CREBRF: variants seen among roughly 807,000 people sequenced by gnomAD.
CREBRF encodes the protein UPF0474 protein C5orf41.
A neutral mutation model predicts 66.1 loss-of-function variants in CREBRF; 5 were observed. That is an observed-to-expected ratio of 0.08 (90% CI 0.04 to 0.16). The LOEUF (loss-of-function observed/expected upper bound fraction) is 0.16, where lower values mean the gene tolerates loss of function less well. CREBRF is among the 10% of genes least tolerant of loss of function. The probability of loss-of-function intolerance (pLI) is 1.00; values close to 1 mark genes in which losing one functional copy is unlikely to be tolerated. For missense variants in CREBRF, 531 were observed against 744.9 expected, an observed-to-expected ratio of 0.71 and a Z score of 3.34; for synonymous variants, 229 against 264.4, an observed-to-expected ratio of 0.87 and a Z score of 1.30.
intron 4 of CREBRF, among the ~76,000 whole-genome samples, chr5:173,104,224 CT>C (rs1264036865): frequency 6.6e-6 from 1 of 152,186 alleles, no homozygotes; most frequent in Non-Finnish European, 1.5e-5. Flanking sequence ...GATTTTAAAA[CT>C]TACCTGACTA....
At chr5:173,091,651 T>A (rs1561805054) in intron 4 of CREBRF, 2 of 1,158,458 alleles carry the variant, frequency 1.7e-6, no homozygotes, top group South Asian at 3.4e-5. Flanking sequence ...TTCTTATTTT[T>A]AAAATTAAAA....
intron 4 of CREBRF, among the ~76,000 whole-genome samples, chr5:173,106,834 C>T (rs1758762247): frequency 6.6e-6 from 1 of 152,104 alleles, no homozygotes; most frequent in South Asian, 2.1e-4. Context: ...ACTGCAACCT[C>T]TGCCTCCTGG....
intron 6 of CREBRF, 130 bp downstream of exon 6, chr5:173,110,841 T>C (rs2113773856): frequency 1.5e-6 from 1 of 660,964 alleles, no homozygotes; most frequent in East Asian, 3.0e-5. Context: ...GAGAATATTA[T>C]AATTTTTCTT....
chr5:173,115,371 T>A (rs1758965317), intron 7 of CREBRF, among the ~76,000 whole-genome samples: 1 of 152,122 alleles, frequency 6.6e-6, no homozygotes, highest in Non-Finnish European at 1.5e-5. Flanking sequence ...CCTCCCAAAG[T>A]GCTGGGATTA....
intron 1 of CREBRF, among the ~76,000 whole-genome samples, chr5:173,070,344 C>T (rs1308147632): frequency 6.6e-6 from 1 of 152,082 alleles, no homozygotes; most frequent in Non-Finnish European, 1.5e-5. Flanking sequence ...TATGCCGCTG[C>T]CATTAATTGT....
At chr5:173,076,869 GAGCATGAACC>G (rs1252911886) in intron 1 of CREBRF, among the ~76,000 whole-genome samples, 4 of 151,834 alleles carry the variant, frequency 2.6e-5, no homozygotes, top group African/African-American at 9.7e-5. Flanking sequence ...TGAAAGAAAT[GAGCATGAACC>G]AGCAAAGATT....
In CREBRF at chr5:173,138,533, A is replaced by C. The variant is rs771050152; in HGVS notation, c.*4788A>C. The C allele has an allele frequency of 6.6e-6, 1 of 152,150 alleles. No homozygotes were observed. The highest frequency in any genetic ancestry group is 1.5e-5 in the Non-Finnish European group (1 of 68,032). 9.4% of individuals were successfully genotyped at this position (152,150 alleles called of 1,614,324 possible). On this transcript the variant is annotated 3_prime_UTR_variant, in exon 9 of 9. Coordinates refer to ENST00000296953, the MANE Select transcript of CREBRF (RefSeq NM_153607.3). ...AACTACTTCCAAACAGTATTTTGGA[A>C]TTGAAGACTTGGTAACTAGTGAAGA... is the stretch of plus-strand genomic sequence containing the variant.
chr5:173,076,223 C>G (rs1757760345), intron 1 of CREBRF, among the ~76,000 whole-genome samples: 1 of 152,068 alleles, frequency 6.6e-6, no homozygotes, highest in African/African-American at 2.4e-5. Context: ...GGAAGTTGAG[C>G]TGAATTCATT....
chr5:173,088,186 C>G (rs964994805), intron 3 of CREBRF, among the ~76,000 whole-genome samples: 2 of 150,486 alleles, frequency 1.3e-5, no homozygotes, highest in African/African-American at 4.9e-5. Flanking sequence ...GTCATAGCCA[C>G]ACACACCTGC....
At chr5:173,066,206 A>C (rs1399205035) in intron 1 of CREBRF, among the ~76,000 whole-genome samples, 2 of 152,206 alleles carry the variant, frequency 1.3e-5, no homozygotes, top group African/African-American at 4.8e-5. Flanking sequence ...CTCTTGGGAA[A>C]TCTTGTAAGA....
intron 2 of CREBRF, chr5:173,085,431 T>C: frequency 2.4e-6 from 2 of 850,804 alleles, no homozygotes; most frequent in Admixed American, 2.4e-5. Context: ...TTTTTTCTTT[T>C]TGGAGACGGA....
At chr5:173,092,217 CAA>C (rs1301306090) in intron 4 of CREBRF, 6 of 964,958 alleles carry the variant, frequency 6.2e-6, no homozygotes, top group Non-Finnish European at 7.4e-6. Context: ...CAATACCCAA[CAA>C]AGTCTATTTA....
At chr5:173,122,642 C>T (rs1759166897) in intron 7 of CREBRF, among the ~76,000 whole-genome samples, 1 of 144,852 alleles carries the variant, frequency 6.9e-6, no homozygotes, top group Non-Finnish European at 1.5e-5. Flanking sequence ...TACATGTGCA[C>T]AATGTGCCAG....
At chr5:173,095,301 C>T (rs946603907) in intron 4 of CREBRF, among the ~76,000 whole-genome samples, 4 of 149,686 alleles carry the variant, frequency 2.7e-5, no homozygotes, top group Non-Finnish European at 4.4e-5. Flanking sequence ...CCATTCTCCT[C>T]CCTCAGCCTC....
intron 7 of CREBRF, among the ~76,000 whole-genome samples, chr5:173,120,495 T>A (rs772083940): frequency 2.0e-5 from 3 of 151,378 alleles, no homozygotes; most frequent in Non-Finnish European, 4.4e-5. Context: ...TTCTCATGCC[T>A]CAGTCTCCTG....
At chr5:173,127,396 C>T (rs1425515424) in intron 8 of CREBRF, among the ~76,000 whole-genome samples, 1 of 151,272 alleles carries the variant, frequency 6.6e-6, no homozygotes, top group Non-Finnish European at 1.5e-5. Context: ...GTGATCTTCC[C>T]GCCTCAGCCT....
intron 4 of CREBRF, among the ~76,000 whole-genome samples, chr5:173,096,547 T>C (rs1161037518): frequency 6.9e-6 from 1 of 145,268 alleles, no homozygotes; most frequent in African/African-American, 2.5e-5. Context: ...CCCTTCCCTT[T>C]CCTTTCCTTT....
In CREBRF at chr5:173,085,270, G is replaced by T; in HGVS notation, c.10-1231G>T. 3 of 603,190 alleles carry T rather than the reference G, an allele frequency of 5.0e-6. No homozygotes were observed. The South Asian group carries it at 6.5e-5, about 13-fold the overall frequency. 37.4% of individuals were successfully genotyped at this position (603,190 alleles called of 1,614,324 possible). On this transcript the variant is annotated intron_variant, in intron 2 of 8. Coordinates refer to ENST00000296953, the MANE Select transcript of CREBRF (RefSeq NM_153607.3). ...AATTTTAATTTTTAATCTTTAGTTT[G>T]ATTTAAACACTGCTTTTAGTATGAT...
chr5:173,059,258 TTTTTTTC>T lies in CREBRF; in HGVS notation c.-192+2786_-192+2792del, dbSNP rs1269107036. ...CTTATTTATCAGTTCTTCTTTTTCT[TTTTTTTC>T]TTTTTTTTTTTTTTTTGAGACGGAG... On this transcript the variant is annotated intron_variant, in intron 1 of 8. Transcript: ENST00000296953. 2.1e-3 allele frequency among the ~76,000 whole-genome samples: 186 copies of T among 86,534 alleles called. 8 individuals are homozygous for T. Among genetic ancestry groups the T allele is most frequent in the African/African-American group, 5.8e-3 (140 of 24,210 alleles). The allele number at this position is 86,534 out of a possible 152,430, so 56.8% of individuals were successfully genotyped here.
Sources: gnomAD v4.1 joint callset for allele counts (sites outside exome capture counted in the v4.1 genomes callset) on GRCh38, gnomAD v4.1.1 for gene constraint, MANE v1.5 for transcripts, NCBI Gene and HGNC (gene_info 2026-07-23, HGNC 2026-07-21) for gene names.